Variants in GNG7 observed in about 807,000 individuals in gnomAD.
GNG7 encodes the protein G protein subunit gamma 7.
GNG7 carries 1 observed loss-of-function variant against 4.0 expected under a neutral mutation model. That is an observed-to-expected ratio of 0.25 (90% CI 0.09 to 1.18). The LOEUF is 1.18. GNG7 is among the 50% of genes most tolerant of loss of function. GNG7 has a pLI of 0.50. For synonymous variants in GNG7, 34 were observed against 36.9 expected (o/e 0.92, Z 0.29); for missense variants, 86 against 91.9 (o/e 0.94, Z 0.26).
At chr19:2,520,867 C>CA in intron 3 of GNG7, 142 bp from the exon 4 acceptor site, 1 of 574,746 alleles carries the variant, frequency 1.7e-6, no homozygotes, top group South Asian at 2.0e-5. Context: ...CCTCCGTGTA[C>CA]AAAGAGCTGG....
Position 2,512,863 on chromosome 19 carries a change from C to A in GNG7, c.*2159G>T, listed in dbSNP as rs968806968. 10 of 979,454 alleles carry A rather than the reference C, an allele frequency of 1.0e-5. No homozygotes were observed. The South Asian group carries it at 4.7e-4, about 46-fold the overall frequency. The allele number at this position is 979,454 out of a possible 1,614,324, so 60.7% of individuals were successfully genotyped here. On this transcript the variant is annotated 3_prime_UTR_variant, in exon 5 of 5. Coordinates refer to ENST00000382159, the MANE Select transcript of GNG7 (RefSeq NM_052847.3). The surrounding 1 kb of genome is among the most constrained non-coding windows in gnomAD (Gnocchi z 4.7). ...GTCCTCCCAGGGTCTCTGGAACAGG[C>A]TTTTGTCCCTTCCTGCCATTCCTGC...
At chr19:2,649,385 C>G (rs1394991584) in intron 1 of GNG7, among the ~76,000 whole-genome samples, 2 of 71,532 alleles carry the variant, frequency 2.8e-5, no homozygotes, top group Non-Finnish European at 6.2e-5. Context: ...ACGCTCACCC[C>G]TAGGAATTAT....
intron 3 of GNG7, among the ~76,000 whole-genome samples, chr19:2,531,644 A>AGG (rs1978590433): frequency 3.3e-5 from 5 of 151,420 alleles, no homozygotes; most frequent in South Asian, 2.1e-4. Context: ...GGTGGCAGGC[A>AGG]CCTGTAGTCC....
chr19:2,647,390 C>T (rs932280447), intron 1 of GNG7, among the ~76,000 whole-genome samples: 1 of 152,140 alleles, frequency 6.6e-6, no homozygotes, highest in Non-Finnish European at 1.5e-5. Context: ...AGAAGCCGGG[C>T]CTGGCCTCCC....
At chr19:2,551,133 C>T (rs571989065) in intron 3 of GNG7, among the ~76,000 whole-genome samples, 15 of 152,328 alleles carry the variant, frequency 9.8e-5, no homozygotes, top group Admixed American at 3.9e-4. Context: ...CGTCCAGCCA[C>T]GCTGCCATCA....
chr19:2,606,377 A>C (rs1981384685), intron 2 of GNG7, among the ~76,000 whole-genome samples: 1 of 151,998 alleles, frequency 6.6e-6, no homozygotes, highest in Admixed American at 6.6e-5. Context: ...GTTTCTGGCC[A>C]GGTGCAGTGG....
intron 2 of GNG7, among the ~76,000 whole-genome samples, chr19:2,639,588 A>AAGGAATGGGGTGTTTCT (rs1555699437): frequency 1.1e-4 from 16 of 149,414 alleles, no homozygotes; most frequent in East Asian, 2.0e-4. Flanking sequence ...TGTCAAATGT[A>AAGGAATGGGGTGTTTCT]GATGGCAGGC....
At chr19:2,661,286 G>GT (rs1983150557) in intron 1 of GNG7, among the ~76,000 whole-genome samples, 1 of 37,284 alleles carries the variant, frequency 2.7e-5, no homozygotes, top group Non-Finnish European at 4.9e-5. Flanking sequence ...AAGAAAGAAA[G>GT]AAAGAAAGAA....
chr19:2,553,686 T>TAC (rs1412381392), intron 3 of GNG7, among the ~76,000 whole-genome samples: 1 of 123,396 alleles, frequency 8.1e-6, no homozygotes, highest in South Asian at 2.5e-4. Context: ...TATGTTATAT[T>TAC]ACACACATGT....
At position 2,614,352 on chromosome 19, in the gene GNG7, C is replaced by T. The variant is rs923209988; in HGVS notation, c.-78+31872G>A. ...ACAACAAAAAAGCTCCCTTTCCAGA[C>T]ATCCAGTGGCATTCGTGCAGCCATC... On this transcript the variant is annotated intron_variant, in intron 2 of 4. Transcript: ENST00000382159. This position sits in a 1 kb window ranked among gnomAD's most constrained non-coding sequence, Gnocchi z 6.0. Among the ~76,000 whole-genome samples, 8 of 152,210 alleles carry T rather than the reference C, an allele frequency of 5.3e-5. No individual in the cohort carries two copies. Among genetic ancestry groups the T allele is most frequent in the African/African-American group, 1.9e-4 (8 of 41,452 alleles).
chr19:2,585,227 A>G (rs994750145), intron 2 of GNG7, among the ~76,000 whole-genome samples: 3 of 152,228 alleles, frequency 2.0e-5, no homozygotes, highest in Non-Finnish European at 4.4e-5. Context: ...CTGGAAATAA[A>G]TTAATATGCA....
At chr19:2,627,475 G>A (rs1405017394) in intron 2 of GNG7, among the ~76,000 whole-genome samples, 1 of 152,200 alleles carries the variant, frequency 6.6e-6, no homozygotes, top group Non-Finnish European at 1.5e-5. Flanking sequence ...CTCTGGCCCT[G>A]GCTCCCTTCA....
At position 2,546,147 on chromosome 19, in the gene GNG7, G is replaced by A. The variant is rs892304777; in HGVS notation, c.-38+9002C>T. Among the ~76,000 whole-genome samples, 1 of 152,196 alleles carries A rather than the reference G, an allele frequency of 6.6e-6. No individual in the cohort carries two copies. The highest frequency in any genetic ancestry group is 6.5e-5 in the Admixed American group (1 of 15,270). ...CCAGGACGCCAAAGAGGGGACCCAC[G>A]CAGAGCCCGGGGAGCCCGACTGAAA... is the stretch of plus-strand genomic sequence containing the variant. On this transcript the variant is annotated intron_variant, in intron 3 of 4. Transcript: ENST00000382159. This position sits in a 1 kb window ranked among gnomAD's most constrained non-coding sequence, Gnocchi z 6.3.
intron 3 of GNG7, among the ~76,000 whole-genome samples, chr19:2,543,602 G>C (rs1450543171): frequency 6.6e-6 from 1 of 152,156 alleles, no homozygotes; most frequent in African/African-American, 2.4e-5. Context: ...TTCTCCATGA[G>C]CCGAGCAAAC....
chr19:2,655,962 T>C (rs1599445106), intron 1 of GNG7, among the ~76,000 whole-genome samples: 1 of 146,416 alleles, frequency 6.8e-6, no homozygotes, highest in African/African-American at 2.5e-5. Context: ...GAGGCAGAGG[T>C]TGCAGTGAGC....
At chr19:2,596,370 T>A (rs1568256858) in intron 2 of GNG7, among the ~76,000 whole-genome samples, 4 of 151,364 alleles carry the variant, frequency 2.6e-5, no homozygotes, top group African/African-American at 9.7e-5. Flanking sequence ...AAAATTAAAA[T>A]AAAAAATAGT....
intron 2 of GNG7, among the ~76,000 whole-genome samples, chr19:2,607,303 A>G (rs1239961436): frequency 6.6e-6 from 1 of 151,632 alleles, no homozygotes; most frequent in African/African-American, 2.4e-5. Flanking sequence ...AGATCATCTG[A>G]GGTCGGGAGT....
chr19:2,694,240 G>T (rs1287403064), intron 1 of GNG7, among the ~76,000 whole-genome samples: 2 of 151,666 alleles, frequency 1.3e-5, no homozygotes, highest in Non-Finnish European at 2.9e-5. Context: ...TTTTTTTGGG[G>T]GGGGGCAGGG....
At chr19:2,615,079 AG>A (rs1271016650) in intron 2 of GNG7, among the ~76,000 whole-genome samples, 3 of 152,046 alleles carry the variant, frequency 2.0e-5, no homozygotes, top group African/African-American at 7.2e-5. Flanking sequence ...GGGCTGGGCA[AG>A]GTGTGTGGAA....
Sources: gnomAD v4.1 joint callset for allele counts (sites outside exome capture counted in the v4.1 genomes callset) on GRCh38, gnomAD v4.1.1 for gene constraint, Gnocchi (gnomAD v3.1) non-coding constraint, MANE v1.5 for transcripts, NCBI Gene and HGNC (gene_info 2026-07-23, HGNC 2026-07-21) for gene names.